KDM5B: variants seen among roughly 807,000 people sequenced by gnomAD.
The protein encoded by KDM5B is lysine-specific demethylase 5B.
A neutral mutation model predicts 193.4 loss-of-function variants in KDM5B; 144 were observed. That is an observed-to-expected ratio of 0.74 (90% CI 0.65 to 0.86). The LOEUF is 0.86. Ranked by LOEUF, KDM5B falls within the 40% of genes least tolerant of loss-of-function variation. The pLI, the probability that KDM5B is intolerant of heterozygous loss-of-function variation, is 0.00. For missense variants in KDM5B, 1,833 were observed against 1,886.9 expected (o/e 0.97, Z 0.53); for synonymous variants, 668 against 682.6 (o/e 0.98, Z 0.33).
intron 2 of KDM5B, 28 bp from the exon 3 acceptor site, chr1:202,774,763 C>T: frequency 6.2e-7 from 1 of 1,604,122 alleles, no homozygotes; most frequent in Middle Eastern, 1.7e-4. Flanking sequence ...GAGTTTTCAT[C>T]TCATTTAGCT....
chr1:202,745,864 T>C lies in KDM5B; in HGVS notation c.2317A>G (p.Lys773Glu). 1 of 1,614,026 alleles carries C rather than the reference T, an allele frequency of 6.2e-7. No homozygotes were observed. The highest frequency in any genetic ancestry group is 8.5e-7 in the Non-Finnish European group (1 of 1,179,908). The stretch of plus-strand genomic sequence containing the variant: ...CACTTTCTGTATCACATACTTTTCT[T>C]CTTGTTGATCTTTGCCTCCAAAGCT... The part of the protein sequence containing the change: ...NEALEAKINK[K>E]KSLVSFKALI... The change falls in exon 16 of 27, where the codon AAG becomes GAG. Residue 773 changes from lysine (K) to glutamate (E), a missense_variant. By Grantham distance (56) the Lys-to-Glu change is moderately conservative (BLOSUM62 1). Transcript: ENST00000367265.
chr1:202,776,225 A>G (rs889650324), intron 2 of KDM5B: 1 of 152,086 alleles, frequency 6.6e-6, no homozygotes, highest in Non-Finnish European at 1.5e-5. Flanking sequence ...GCGGGACTCC[A>G]TAACAAAAAA....
rs1185912220 is a variant in KDM5B at position 202,745,863 on chromosome 1, TTCTTGTTGA to T, written c.2309_2317del (p.Ile770_Lys772del). ...TCACTTTCTGTATCACATACTTTTCTTCTTGTTGATCTTTGCCTCCAAAGCTTCATTCAC... is the reference window on the plus strand; with the variant it reads ...TCACTTTCTGTATCACATACTTTTCTTCTTTGCCTCCAAAGCTTCATTCAC... On this transcript the variant is annotated inframe_deletion, in exon 16 of 27. Coordinates refer to ENST00000367265, the MANE Select transcript of KDM5B (RefSeq NM_006618.5). The T allele has an allele frequency of 1.2e-6, 2 of 1,613,898 alleles. No individual in the cohort carries two copies.
intron 6 of KDM5B, among the ~76,000 whole-genome samples, chr1:202,763,771 T>C (rs2102277772): frequency 6.6e-6 from 1 of 152,276 alleles, no homozygotes; most frequent in African/African-American, 2.4e-5. Flanking sequence ...AATTTCAAAG[T>C]AGCAACTTGC....
chr1:202,780,343 C>T (rs1221577421), intron 1 of KDM5B, among the ~76,000 whole-genome samples: 1 of 152,202 alleles, frequency 6.6e-6, no homozygotes, highest in African/African-American at 2.4e-5. Context: ...TGTACCACCA[C>T]CATGCCTGGC....
chr1:202,742,908 G>A (rs770462293), intron 16 of KDM5B, 103 bp from the exon 17 acceptor site: 24 of 942,760 alleles, frequency 2.5e-5, no homozygotes, highest in Non-Finnish European at 3.6e-5. Flanking sequence ...GTCTAGAAAT[G>A]TAACTTACAA....
Position 202,740,755 on chromosome 1 carries a change from A to G in KDM5B, c.3003T>C (p.Pro1001=). The change falls in exon 20 of 27, where the codon CCT becomes CCC. Residue 1001 remains proline, a synonymous_variant. Coordinates refer to ENST00000367265, the MANE Select transcript of KDM5B (RefSeq NM_006618.5). ...ATAVKEIEEI[P]AYLPNGAALK... ...GAGCCGCACCATTGGGCAGATATGC[A>G]GGGATCTCTTCGATTTCCTTTACTG... The G allele has an allele frequency of 6.2e-7, 1 of 1,612,998 alleles. No homozygotes were observed. Among genetic ancestry groups the G allele is most frequent in the Non-Finnish European group, 8.5e-7 (1 of 1,179,938 alleles).
intron 5 of KDM5B, among the ~76,000 whole-genome samples, chr1:202,764,730 G>A (rs766781708): frequency 6.6e-6 from 1 of 152,196 alleles, no homozygotes; most frequent in Non-Finnish European, 1.5e-5. Context: ...TGTAATCCCA[G>A]CATTTTGGGG....
intron 3 of KDM5B, among the ~76,000 whole-genome samples, chr1:202,774,038 T>C (rs1249084399): frequency 6.6e-6 from 1 of 152,158 alleles, no homozygotes; most frequent in African/African-American, 2.4e-5. Flanking sequence ...CGCCCGGCCA[T>C]GGCTCAGCAT....
intron 26 of KDM5B, chr1:202,729,476 T>C: frequency 1.7e-6 from 1 of 593,250 alleles, no homozygotes; most frequent in Non-Finnish European, 3.0e-6. Context: ...AGGTGAAAGC[T>C]GGAAGAGCAA....
chr1:202,784,572 C>G (rs1335524733), intron 1 of KDM5B, among the ~76,000 whole-genome samples: 1 of 152,154 alleles, frequency 6.6e-6, no homozygotes, highest in African/African-American at 2.4e-5. Context: ...GTAATATGCC[C>G]TTAAAACACC....
At position 202,756,489 on chromosome 1, in the gene KDM5B, C is replaced by G; in HGVS notation, c.1225G>C (p.Glu409Gln). The G allele has an allele frequency of 6.2e-7, 1 of 1,607,986 alleles. No homozygotes were observed. The highest frequency in any genetic ancestry group is 8.5e-7 in the Non-Finnish European group (1 of 1,177,500). Residue 409 changes from glutamate (E) to glutamine (Q), a missense_variant, in exon 10 of 27, where the codon GAA (glutamate) becomes CAA (glutamine). Around this residue, in one of 3 missense-constraint regions of KDM5B, gnomAD observed 99 missense variants for 162.4 expected, o/e 0.61. Transcript: ENST00000367265. ...ATAGTGCTTACTAGTCTCCAAAATTCTTTCTCAACAAGCTCTGTGGGGACC... is the reference window on the plus strand; with the variant it reads ...ATAGTGCTTACTAGTCTCCAAAATTGTTTCTCAACAAGCTCTGTGGGGACC... ...HMVPTELVEK[E>Q]FWRLVSTIEE... is the part of the protein sequence containing the mutation.
At chr1:202,757,287 G>A (rs981080712) in intron 9 of KDM5B, among the ~76,000 whole-genome samples, 3 of 152,188 alleles carry the variant, frequency 2.0e-5, no homozygotes, top group South Asian at 2.1e-4. Context: ...CCACCGACTG[G>A]TATTGGTCAA....
intron 21 of KDM5B, among the ~76,000 whole-genome samples, chr1:202,735,832 C>T (rs1203836484): frequency 6.6e-6 from 1 of 152,150 alleles, no homozygotes; most frequent in Non-Finnish European, 1.5e-5. Context: ...TGGTTGATCC[C>T]AGTCATGATG....
intron 20 of KDM5B, among the ~76,000 whole-genome samples, chr1:202,738,945 GACTTTGGAT>G (rs1655197424): frequency 6.6e-6 from 1 of 152,156 alleles, no homozygotes; most frequent in Admixed American, 6.5e-5. Flanking sequence ...TGGTGGAAAT[GACTTTGGAT>G]ACTTTGGATA....
At chr1:202,779,260 C>A (rs1657092914) in intron 1 of KDM5B, among the ~76,000 whole-genome samples, 1 of 152,172 alleles carries the variant, frequency 6.6e-6, no homozygotes, top group African/African-American at 2.4e-5. Flanking sequence ...GTGACTCACG[C>A]CTGTAATCAC....
Position 202,773,280 on chromosome 1 carries a change from T to G in KDM5B, c.414A>C (p.Ala138=). Residue 138 remains alanine (A), a synonymous_variant, in exon 4 of 27, where the codon GCA becomes GCC. Transcript: ENST00000367265. ...AAACAACTGCAAATCCACCTTCTTCTGCAACTAACTGTTAAAATAGCAAAA... is the reference window on the plus strand; with the variant it reads ...AAACAACTGCAAATCCACCTTCTTCGGCAACTAACTGTTAAAATAGCAAAA... ...LDLFQLNKLV[A]EEGGFAVVCK... 1 of 1,613,926 alleles carries G rather than the reference T, an allele frequency of 6.2e-7. No homozygotes were observed.
Position 202,748,973 on chromosome 1 carries a change from T to A in KDM5B, c.1988A>T (p.Lys663Ile). Residue 663 changes from lysine (K) to isoleucine (I), a missense_variant, in exon 14 of 27, where the codon AAA becomes ATA. This residue lies in a region of KDM5B where 1,379 missense variants were observed against 1,349.6 expected (regional missense o/e 1.02). Coordinates refer to ENST00000367265, the MANE Select transcript of KDM5B (RefSeq NM_006618.5). ...TTTACGGACAGTTTCTCTTAAAGCT[T>A]TCTCATCCTCAATCATAATGGCCAT... is the stretch of plus-strand genomic sequence containing the variant. ...KDMAIMIEDEKALRETVRKLG... is the reference protein window; with the variant it reads ...KDMAIMIEDEIALRETVRKLG... The A allele has an allele frequency of 6.2e-7, 1 of 1,612,572 alleles. No individual in the cohort carries two copies. The highest frequency in any genetic ancestry group is 8.5e-7 in the Non-Finnish European group (1 of 1,179,414).
chr1:202,768,905 C>T (rs371852877), intron 4 of KDM5B, among the ~76,000 whole-genome samples: 5 of 151,010 alleles, frequency 3.3e-5, no homozygotes, highest in East Asian at 2.0e-4. Flanking sequence ...TTAGTAGAGA[C>T]GGGGTTTCTC....
Sources: allele counts gnomAD v4.1 joint callset (sites outside exome capture counted in the v4.1 genomes callset), GRCh38; gene constraint gnomAD v4.1.1; regional missense constraint gnomAD v4.1.1; transcripts MANE v1.5; gene names NCBI Gene and HGNC (gene_info 2026-07-23, HGNC 2026-07-21).